Variants in ITGA9 observed in about 807,000 individuals in gnomAD.
ITGA9 encodes integrin subunit alpha 9, also known as integrin alpha-9.
In ITGA9, 56 loss-of-function variants were observed where a neutral mutation model predicts 127.8. That is an observed-to-expected ratio of 0.44 (90% CI 0.35 to 0.55). The LOEUF (loss-of-function observed/expected upper bound fraction) is 0.55. Among genes scored for constraint, ITGA9 ranks in the 20% least tolerant of loss-of-function variants. The probability of loss-of-function intolerance (pLI) is 0.00; values close to 1 mark genes in which losing one functional copy is unlikely to be tolerated. For synonymous variants in ITGA9, 508 were observed against 514.5 expected (o/e 0.99, Z 0.17); for missense variants, 1,196 against 1,347.1 (o/e 0.89, Z 1.76).
chr3:37,754,323 A>G (rs981362307), intron 23 of ITGA9, among the ~76,000 whole-genome samples: 4 of 152,208 alleles, frequency 2.6e-5, no homozygotes, highest in African/African-American at 9.6e-5. Context: ...GCTTTCTCAC[A>G]CTGGAGGAGA....
In ITGA9 at chr3:37,629,971, T is replaced by C. The variant is rs1700215281; in HGVS notation, c.1839+635T>C. Among the ~76,000 whole-genome samples the C allele has an allele frequency of 6.6e-6, 1 of 152,208 alleles. No individual in the cohort carries two copies. Among genetic ancestry groups the C allele is most frequent in the Non-Finnish European group, 1.5e-5 (1 of 68,042 alleles). On this transcript the variant is annotated intron_variant, in intron 16 of 27. Transcript: ENST00000264741. The surrounding 1 kb of genome is among the most constrained non-coding windows in gnomAD (Gnocchi z 4.5). ...CAGCACTGAGTGCGGTGCAGGAATA[T>C]GCAAGGAATCTGCAATCCCAAGTCT...
At chr3:37,609,020 C>T (rs888098839) in intron 15 of ITGA9, among the ~76,000 whole-genome samples, 17 of 152,052 alleles carry the variant, frequency 1.1e-4, no homozygotes, top group African/African-American at 4.1e-4. Flanking sequence ...TGTGACTCGC[C>T]CAAATTAAGT....
At chr3:37,653,041 G>A (rs1181618877) in intron 16 of ITGA9, among the ~76,000 whole-genome samples, 1 of 152,198 alleles carries the variant, frequency 6.6e-6, no homozygotes, top group Non-Finnish European at 1.5e-5. Context: ...GTTTTGACAT[G>A]CCAAGACTTG....
chr3:37,767,236 G>A (rs1245421210), intron 23 of ITGA9, among the ~76,000 whole-genome samples: 5 of 152,232 alleles, frequency 3.3e-5, no homozygotes, highest in Admixed American at 3.3e-4. Context: ...CTGTGCATTG[G>A]ATTATACTCA....
intron 15 of ITGA9, among the ~76,000 whole-genome samples, chr3:37,564,731 A>C (rs990324056): frequency 6.6e-6 from 1 of 152,210 alleles, no homozygotes; most frequent in Non-Finnish European, 1.5e-5. Context: ...GCATGCAAAC[A>C]TGATGCTGGG....
At chr3:37,526,860 G>A (rs1699098410) in intron 13 of ITGA9, among the ~76,000 whole-genome samples, 1 of 152,240 alleles carries the variant, frequency 6.6e-6, no homozygotes, top group Non-Finnish European at 1.5e-5. Context: ...TTATTCAGCG[G>A]TACCTTCTGC....
intron 1 of ITGA9, among the ~76,000 whole-genome samples, chr3:37,457,033 A>G (rs900016867): frequency 6.6e-6 from 1 of 152,202 alleles, no homozygotes; most frequent in Non-Finnish European, 1.5e-5. Flanking sequence ...TAGAGCAATG[A>G]TGTAAGTCTT....
intron 10 of ITGA9, among the ~76,000 whole-genome samples, chr3:37,518,623 A>T (rs74985154): frequency 0.055 from 8,314 of 152,142 alleles, 277 homozygotes; most frequent in East Asian, 0.093. Context: ...GCCATTGTCT[A>T]TGGAATTCTC....
chr3:37,569,941 A>G (rs971513376), intron 15 of ITGA9, among the ~76,000 whole-genome samples: 4 of 152,364 alleles, frequency 2.6e-5, no homozygotes, highest in South Asian at 2.1e-4. Context: ...TTATATTTCA[A>G]TTAAGGGATA....
chr3:37,612,093 C>T (rs1193821537), intron 15 of ITGA9, among the ~76,000 whole-genome samples: 2 of 152,036 alleles, frequency 1.3e-5, no homozygotes, highest in Non-Finnish European at 2.9e-5. Context: ...GTTCACATAA[C>T]CTATGAAGAC....
chr3:37,699,611 C>A (rs1175234031), intron 18 of ITGA9, among the ~76,000 whole-genome samples: 1 of 152,206 alleles, frequency 6.6e-6, no homozygotes, highest in African/African-American at 2.4e-5. Context: ...CTCTTACACT[C>A]CTCCTCTTAC....
At chr3:37,617,520 A>C (rs1700086355) in intron 15 of ITGA9, among the ~76,000 whole-genome samples, 2 of 152,140 alleles carry the variant, frequency 1.3e-5, no homozygotes, top group South Asian at 4.1e-4. Context: ...GCCTTGCTAG[A>C]CTGGGGAAGT....
intron 17 of ITGA9, among the ~76,000 whole-genome samples, chr3:37,674,426 C>T (rs1011397175): frequency 7.9e-5 from 12 of 152,206 alleles, no homozygotes; most frequent in Non-Finnish European, 1.6e-4. Flanking sequence ...CAGCCTCTTA[C>T]AGGAGTGCAT....
chr3:37,508,456 A>C, intron 7 of ITGA9, 103 bp from the exon 8 acceptor site: 1 of 869,032 alleles, frequency 1.2e-6, no homozygotes, highest in Non-Finnish European at 1.9e-6. Context: ...TCTGCTGTGC[A>C]CCTGGCTCTT....
At chr3:37,462,199 G>A (rs1698322701) in intron 1 of ITGA9, among the ~76,000 whole-genome samples, 2 of 152,154 alleles carry the variant, frequency 1.3e-5, no homozygotes, top group African/African-American at 4.8e-5. Flanking sequence ...CTGAGCCCCA[G>A]GCCAGGGCAG....
chr3:37,803,147 G>T (rs1388485720), intron 26 of ITGA9, among the ~76,000 whole-genome samples: 1 of 152,190 alleles, frequency 6.6e-6, no homozygotes, highest in Non-Finnish European at 1.5e-5. Context: ...TACATGCAGA[G>T]CACTCCCGTG....
chr3:37,473,819 ATATGCC>A (rs1698462527), intron 3 of ITGA9, among the ~76,000 whole-genome samples: 1 of 152,180 alleles, frequency 6.6e-6, no homozygotes, highest in Admixed American at 6.5e-5. Context: ...CTGTGTAACC[ATATGCC>A]CACTGAGATA....
At chr3:37,710,155 AG>A (rs1231203108) in intron 18 of ITGA9, among the ~76,000 whole-genome samples, 1 of 152,194 alleles carries the variant, frequency 6.6e-6, no homozygotes, top group Non-Finnish European at 1.5e-5. Context: ...GCGTCATCCC[AG>A]GGGACACTTA....
chr3:37,595,527 A>G (rs1036187148), intron 15 of ITGA9, among the ~76,000 whole-genome samples: 5 of 152,226 alleles, frequency 3.3e-5, no homozygotes, highest in African/African-American at 1.2e-4. Context: ...ACACTGCAAA[A>G]CAAATCCAGC....
Sources: gnomAD v4.1 joint callset for allele counts (sites outside exome capture counted in the v4.1 genomes callset) on GRCh38, gnomAD v4.1.1 for gene constraint, Gnocchi (gnomAD v3.1) non-coding constraint, MANE v1.5 for transcripts, NCBI Gene and HGNC (gene_info 2026-07-23, HGNC 2026-07-21) for gene names.